PPP2R2B: variants seen among roughly 807,000 people sequenced by gnomAD.
The protein encoded by PPP2R2B is serine/threonine-protein phosphatase 2A 55 kDa regulatory subunit B beta isoform.
PPP2R2B carries 5 observed loss-of-function variants against 46.0 expected under a neutral mutation model. That is an observed-to-expected ratio of 0.11 (90% CI 0.06 to 0.23). The LOEUF (loss-of-function observed/expected upper bound fraction) is 0.23. Ranked by LOEUF, PPP2R2B falls within the 10% of genes least tolerant of loss-of-function variation. The probability of loss-of-function intolerance (pLI) is 1.00; values close to 1 mark genes in which losing one functional copy is unlikely to be tolerated. For missense variants in PPP2R2B, 367 were observed against 575.0 expected, an observed-to-expected ratio of 0.64 and a Z score of 3.70; for synonymous variants, 215 against 206.7, an observed-to-expected ratio of 1.04 and a Z score of -0.34.
chr5:146,790,578 T>C (rs968699358), intron 2 of PPP2R2B, among the ~76,000 whole-genome samples: 3 of 152,082 alleles, frequency 2.0e-5, no homozygotes, highest in African/African-American at 7.2e-5. Context: ...GATGAGCATA[T>C]GATGGGGACT....
At chr5:147,069,543 A>G (rs567486782) in intron 2 of PPP2R2B, among the ~76,000 whole-genome samples, 4 of 151,996 alleles carry the variant, frequency 2.6e-5, no homozygotes, top group African/African-American at 4.8e-5. Flanking sequence ...TTACTGACCA[A>G]TCCAGGCATC....
chr5:146,747,686 G>T (rs1022342136), intron 2 of PPP2R2B, among the ~76,000 whole-genome samples: 2 of 152,112 alleles, frequency 1.3e-5, no homozygotes, highest in East Asian at 1.9e-4. Flanking sequence ...TTTGGGAAGT[G>T]GTACAGACTA....
intron 2 of PPP2R2B, among the ~76,000 whole-genome samples, chr5:146,842,236 G>A (rs879054386): frequency 6.6e-6 from 1 of 152,104 alleles, no homozygotes; most frequent in Admixed American, 6.6e-5. Flanking sequence ...GGAATTCATA[G>A]TCCAAAATTA....
chr5:146,727,892 C>T (rs972012831), intron 2 of PPP2R2B, among the ~76,000 whole-genome samples: 3 of 151,986 alleles, frequency 2.0e-5, no homozygotes, highest in African/African-American at 7.2e-5. Flanking sequence ...GAAAACCAGC[C>T]CCGGGTAACC....
rs75032123 is a variant in PPP2R2B, at chr5:146,955,112, A to G, written c.79+100553T>C. Among the ~76,000 whole-genome samples, 953 of 152,246 alleles carry G rather than the reference A, an allele frequency of 6.3e-3. 20 individuals carry two copies. In the East Asian group the frequency reaches 0.069, roughly 11 times the overall value. Reference sequence around the variant, plus strand: ...TCATCTAGTGAGAGTGAAAACCATAATTTAAACATAAGCAGTCTTTACCAA... The same window carrying G: ...TCATCTAGTGAGAGTGAAAACCATAGTTTAAACATAAGCAGTCTTTACCAA... On this transcript the variant is annotated intron_variant, in intron 1 of 8. Coordinates refer to the PPP2R2B transcript ENST00000336640.
chr5:146,844,262 G>A (rs541071451), intron 2 of PPP2R2B, among the ~76,000 whole-genome samples: 4 of 149,786 alleles, frequency 2.7e-5, no homozygotes, highest in Non-Finnish European at 4.4e-5. Context: ...TAGATGACAC[G>A]TTAGTGGGTG....
intron 5 of PPP2R2B, among the ~76,000 whole-genome samples, chr5:146,674,713 T>G (rs1777591124): frequency 6.6e-6 from 1 of 152,134 alleles, no homozygotes; most frequent in Admixed American, 6.6e-5. Flanking sequence ...AACATGTGGC[T>G]CCCTTTCAAT....
chr5:146,869,001 G>A (rs1360926453), intron 2 of PPP2R2B, among the ~76,000 whole-genome samples: 2 of 152,268 alleles, frequency 1.3e-5, no homozygotes, highest in African/African-American at 4.8e-5. Flanking sequence ...GATTACATGA[G>A]AAAAATACTT....
chr5:146,650,228 C>A (rs924081953), intron 6 of PPP2R2B, among the ~76,000 whole-genome samples: 2 of 152,108 alleles, frequency 1.3e-5, no homozygotes, highest in Non-Finnish European at 2.9e-5. Flanking sequence ...AGAGAAAGAA[C>A]CTGAACTCTA....
intron 2 of PPP2R2B, among the ~76,000 whole-genome samples, chr5:146,866,923 G>A (rs1046505540): frequency 6.6e-6 from 1 of 152,156 alleles, no homozygotes; most frequent in African/African-American, 2.4e-5. Context: ...AGTACTCACA[G>A]CTAATTGAGT....
chr5:146,729,690 G>A (rs1012367477), intron 2 of PPP2R2B, among the ~76,000 whole-genome samples: 17 of 152,328 alleles, frequency 1.1e-4, no homozygotes, highest in South Asian at 8.3e-4. Context: ...TTGGGCCTGC[G>A]GTTTCAGAAG....
intron 1 of PPP2R2B, among the ~76,000 whole-genome samples, chr5:147,015,709 C>G (rs1032367717): frequency 6.6e-6 from 1 of 150,614 alleles, no homozygotes; most frequent in African/African-American, 2.4e-5. Flanking sequence ...TCTTTATTCT[C>G]TTAATGTAAA....
chr5:146,900,819 A>G (rs1033284575), intron 1 of PPP2R2B, among the ~76,000 whole-genome samples: 9 of 119,004 alleles, frequency 7.6e-5, no homozygotes, highest in South Asian at 2.8e-4. Context: ...GACACCCCCC[A>G]GTGTGTTATT....
intron 1 of PPP2R2B, among the ~76,000 whole-genome samples, chr5:147,043,438 G>A (rs985472208): frequency 2.6e-5 from 4 of 152,004 alleles, no homozygotes; most frequent in African/African-American, 7.3e-5. Context: ...TTGAGAAGAC[G>A]GTCGTCAGCA....
intron 2 of PPP2R2B, among the ~76,000 whole-genome samples, chr5:146,787,381 A>C (rs1406466795): frequency 2.6e-5 from 4 of 152,170 alleles, no homozygotes; most frequent in African/African-American, 9.7e-5. Context: ...TTTAACATTT[A>C]AAAATTGTAT....
intron 2 of PPP2R2B, among the ~76,000 whole-genome samples, chr5:146,716,544 T>A (rs1030333482): frequency 2.6e-5 from 4 of 152,184 alleles, no homozygotes; most frequent in Non-Finnish European, 5.9e-5. Context: ...CCTTTCCCCA[T>A]AAATATGCAT....
At chr5:146,937,732 G>A (rs1174208256) in intron 1 of PPP2R2B, among the ~76,000 whole-genome samples, 5 of 152,156 alleles carry the variant, frequency 3.3e-5, no homozygotes, top group South Asian at 2.1e-4. Context: ...CAGGTCGCTC[G>A]GTACAGCTCT....
intron 5 of PPP2R2B, among the ~76,000 whole-genome samples, chr5:146,654,574 A>C (rs1377884572): frequency 2.6e-5 from 4 of 152,162 alleles, no homozygotes; most frequent in Admixed American, 2.6e-4. Flanking sequence ...TGGGAGTCTT[A>C]CAGTGGGAGG....
intron 2 of PPP2R2B, among the ~76,000 whole-genome samples, chr5:146,877,765 T>C (rs928621092): frequency 6.6e-6 from 1 of 152,132 alleles, no homozygotes; most frequent in South Asian, 2.1e-4. Context: ...GCCTAATCCC[T>C]GAGGGCCATT....
Sources: allele counts gnomAD v4.1 joint callset (sites outside exome capture counted in the v4.1 genomes callset), GRCh38; gene constraint gnomAD v4.1.1; transcripts MANE v1.5; gene names NCBI Gene and HGNC (gene_info 2026-07-23, HGNC 2026-07-21).